Variants in SGCD observed in about 807,000 individuals in gnomAD.
The protein encoded by SGCD is delta-sarcoglycan.
SGCD carries 18 observed loss-of-function variants against 36.6 expected under a neutral mutation model. The observed-to-expected ratio is 0.49, with a 90% CI of 0.34 to 0.73. SGCD has a LOEUF of 0.73. Ranked by LOEUF, SGCD falls within the 30% of genes least tolerant of loss-of-function variation. The pLI, the probability that SGCD is intolerant of heterozygous loss-of-function variation, is 0.01. For synonymous variants in SGCD, 133 were observed against 130.6 expected (o/e 1.02, Z -0.12); for missense variants, 387 against 346.7 (o/e 1.12, Z -0.92).
chr5:156,079,482 A>G (rs1430016799), intron 1 of SGCD, among the ~76,000 whole-genome samples: 1 of 152,200 alleles, frequency 6.6e-6, no homozygotes, highest in Non-Finnish European at 1.5e-5. Flanking sequence ...TCTCATCTGG[A>G]GACGAGTTCC....
At position 156,761,536 on chromosome 5, in the gene SGCD, C is replaced by A. The variant is rs1757499559; in HGVS notation, c.*2146C>A. On this transcript the variant is annotated 3_prime_UTR_variant, in exon 9 of 9. Coordinates refer to ENST00000337851, the MANE Select transcript of SGCD (RefSeq NM_000337.6). ...TTTTTCCAAGCCAGGAAACGCCCTC[C>A]TTGGCTACTAGGAGCACCTATCCCA... 1 of 152,102 alleles carries A rather than the reference C, an allele frequency of 6.6e-6. No individual in the cohort carries two copies. 9.4% of individuals were successfully genotyped at this position (152,102 alleles called of 1,614,324 possible). A position where few individuals can be genotyped will look rare whatever the true frequency, so the allele number is the denominator to read the frequency against.
chr5:156,558,481 T>A (rs1251279841), intron 4 of SGCD, among the ~76,000 whole-genome samples: 1 of 152,128 alleles, frequency 6.6e-6, no homozygotes, highest in Non-Finnish European at 1.5e-5. Context: ...TACTTGCATG[T>A]GTACATGACT....
intron 1 of SGCD, among the ~76,000 whole-genome samples, chr5:155,910,372 A>G (rs1756605700): frequency 6.6e-6 from 1 of 152,150 alleles, no homozygotes; most frequent in Admixed American, 6.6e-5. Flanking sequence ...GAAGGATTCT[A>G]GTGACAGATT....
At chr5:156,334,418 T>C (rs1406727062) in intron 2 of SGCD, among the ~76,000 whole-genome samples, 1 of 152,212 alleles carries the variant, frequency 6.6e-6, no homozygotes, top group Non-Finnish European at 1.5e-5. Context: ...AGTTCACATA[T>C]TCTTTTCTGG....
intron 6 of SGCD, among the ~76,000 whole-genome samples, chr5:156,620,300 G>A (rs955783242): frequency 6.6e-6 from 1 of 152,162 alleles, no homozygotes; most frequent in African/African-American, 2.4e-5. Context: ...TATTACTGTT[G>A]AACACCATTT....
At chr5:156,651,770 G>C (rs1763472256) in intron 7 of SGCD, among the ~76,000 whole-genome samples, 2 of 151,678 alleles carry the variant, frequency 1.3e-5, no homozygotes, top group Non-Finnish European at 2.9e-5. Context: ...GGATTGCTTT[G>C]GGCTCTTTTT....
intron 3 of SGCD, among the ~76,000 whole-genome samples, chr5:156,128,995 A>C (rs998575366): frequency 2.0e-5 from 3 of 152,246 alleles, no homozygotes; most frequent in African/African-American, 7.2e-5. Flanking sequence ...ATATGAAATT[A>C]GAGAATAGTC....
intron 4 of SGCD, among the ~76,000 whole-genome samples, chr5:156,528,415 G>T (rs929030546): frequency 6.6e-6 from 1 of 151,592 alleles, no homozygotes; most frequent in Non-Finnish European, 1.5e-5. Flanking sequence ...TTTTGCCACC[G>T]TCTCCTTAGT....
intron 7 of SGCD, among the ~76,000 whole-genome samples, chr5:156,748,041 A>G (rs1043605459): frequency 4.6e-5 from 7 of 152,226 alleles, no homozygotes; most frequent in African/African-American, 1.4e-4. Context: ...CATGCAATCA[A>G]CCACTACTAA....
chr5:155,958,177 TG>T (rs1757705682), intron 1 of SGCD, among the ~76,000 whole-genome samples: 1 of 152,150 alleles, frequency 6.6e-6, no homozygotes, highest in Non-Finnish European at 1.5e-5. Flanking sequence ...CTATGGATGA[TG>T]CTTATAAAAG....
intron 1 of SGCD, among the ~76,000 whole-genome samples, chr5:155,945,495 C>T (rs1367303069): frequency 6.6e-6 from 1 of 152,188 alleles, no homozygotes; most frequent in African/African-American, 2.4e-5. Flanking sequence ...CAACATGCAA[C>T]TACAAATGAT....
intron 2 of SGCD, among the ~76,000 whole-genome samples, chr5:156,121,900 T>C (rs945776033): frequency 3.3e-5 from 5 of 152,122 alleles, no homozygotes; most frequent in African/African-American, 1.2e-4. Flanking sequence ...CAATGAGATT[T>C]CAGTATTAGC....
intron 1 of SGCD, among the ~76,000 whole-genome samples, chr5:155,920,596 A>G (rs368310028): frequency 3.9e-5 from 6 of 152,174 alleles, no homozygotes; most frequent in African/African-American, 1.4e-4. Context: ...TGCAACCAAG[A>G]TACCAACCAG....
At chr5:156,198,466 A>G (rs1000226796) in intron 3 of SGCD, among the ~76,000 whole-genome samples, 9 of 152,152 alleles carry the variant, frequency 5.9e-5, no homozygotes, top group African/African-American at 2.2e-4. Context: ...AGGCACTGTT[A>G]TAGTCCCTGC....
At chr5:156,539,029 CT>C (rs2113138724) in intron 4 of SGCD, among the ~76,000 whole-genome samples, 1 of 152,028 alleles carries the variant, frequency 6.6e-6, no homozygotes, top group East Asian at 1.9e-4. Flanking sequence ...TTGGCAGAGC[CT>C]TTGGGGAGAT....
At chr5:155,819,108 C>T in the SGCD span, among the ~76,000 whole-genome samples, 3 of 152,188 alleles carry the variant, frequency 2.0e-5, no homozygotes, top group Non-Finnish European at 4.4e-5. Flanking sequence ...CTCTCTGGGA[C>T]TCAGCTTCCC....
intron 2 of SGCD, among the ~76,000 whole-genome samples, chr5:156,333,125 C>A (rs1768150251): frequency 6.6e-6 from 1 of 152,172 alleles, no homozygotes; most frequent in Non-Finnish European, 1.5e-5. Flanking sequence ...CCACAGGTTT[C>A]ATTGCAAGCA....
chr5:155,928,326 T>C (rs1757032487), intron 1 of SGCD, among the ~76,000 whole-genome samples: 1 of 152,170 alleles, frequency 6.6e-6, no homozygotes, highest in Non-Finnish European at 1.5e-5. Context: ...ATCAAATGAA[T>C]CTTCATTTAT....
intron 4 of SGCD, among the ~76,000 whole-genome samples, chr5:156,562,970 A>T (rs1554116063): frequency 6.6e-6 from 1 of 151,972 alleles, no homozygotes; most frequent in Non-Finnish European, 1.5e-5. Flanking sequence ...TAGTGATGAT[A>T]GATTGTTATT....
Sources: gnomAD v4.1 joint callset for allele counts (sites outside exome capture counted in the v4.1 genomes callset) on GRCh38, gnomAD v4.1.1 for gene constraint, MANE v1.5 for transcripts, NCBI Gene and HGNC (gene_info 2026-07-23, HGNC 2026-07-21) for gene names.